Variants in MAST2 observed in about 807,000 individuals in gnomAD.
MAST2 encodes microtubule associated serine/threonine kinase 2, also known as microtubule-associated serine/threonine-protein kinase 2.
MAST2 carries 70 observed loss-of-function variants against 147.4 expected under a neutral mutation model. That is an observed-to-expected ratio of 0.47 (90% confidence interval 0.39 to 0.58). MAST2 has a LOEUF of 0.58. MAST2 is among the 20% of genes least tolerant of loss of function. MAST2 has a pLI of 0.00. For missense variants in MAST2, 2,080 were observed against 2,302.3 expected, an observed-to-expected ratio of 0.90 and a Z score of 1.98; for synonymous variants, 869 against 896.8, an observed-to-expected ratio of 0.97 and a Z score of 0.55.
chr1:45,947,247 A>G (rs1385796800), intron 4 of MAST2, among the ~76,000 whole-genome samples: 1 of 149,276 alleles, frequency 6.7e-6, no homozygotes, highest in Non-Finnish European at 1.5e-5. Context: ...TCCCTCTGCC[A>G]CATAGGAAGA....
At chr1:45,928,820 G>C (rs918888295) in intron 4 of MAST2, among the ~76,000 whole-genome samples, 6 of 151,918 alleles carry the variant, frequency 3.9e-5, no homozygotes, top group Admixed American at 2.6e-4. Flanking sequence ...TTTTAATCTA[G>C]GGTGTTCTCA....
chr1:45,971,939 C>A (rs1377154341), intron 5 of MAST2, among the ~76,000 whole-genome samples: 4 of 152,116 alleles, frequency 2.6e-5, no homozygotes, highest in African/African-American at 9.7e-5. Flanking sequence ...TTGTTTGTTA[C>A]ATATCATCTA....
chr1:45,887,507 A>T (rs1647148453), intron 4 of MAST2, among the ~76,000 whole-genome samples: 1 of 152,176 alleles, frequency 6.6e-6, no homozygotes, highest in Non-Finnish European at 1.5e-5. Context: ...ATATTGGATG[A>T]AAGTTAATGT....
intron 4 of MAST2, among the ~76,000 whole-genome samples, chr1:45,957,011 C>G (rs528317024): frequency 9.9e-5 from 15 of 152,160 alleles, no homozygotes; most frequent in Non-Finnish European, 1.6e-4. Flanking sequence ...GTTTTCAATT[C>G]CCTTTTAGCG....
In MAST2 at chr1:46,031,333, C is replaced by A. The variant is rs1013394088; in HGVS notation, c.2992+43C>A. ...GCCAAACGACCTAAGCTGGAGGATA[C>A]TGCAGGGCAGGGAGGCTCAGCGGCA... is the stretch of plus-strand genomic sequence containing the variant. On this transcript the variant is annotated intron_variant, in intron 23 of 28. Coordinates refer to ENST00000361297, the MANE Select transcript of MAST2 (RefSeq NM_015112.3). This position sits in a 1 kb window ranked among gnomAD's most constrained non-coding sequence, Gnocchi z 4.1. 6.4e-7 allele frequency: 1 copy of A among 1,568,116 alleles called. No individual in the cohort carries two copies.
intron 5 of MAST2, among the ~76,000 whole-genome samples, chr1:45,996,090 T>C (rs562067184): frequency 1.3e-5 from 2 of 152,034 alleles, no homozygotes; most frequent in African/African-American, 4.8e-5. Context: ...TTGCTGCTTT[T>C]TTTTCCCCTC....
In MAST2 at chr1:46,027,717, C is replaced by A; in HGVS notation, c.1920-14C>A. 1 of 1,599,734 alleles carries A rather than the reference C, an allele frequency of 6.3e-7. No homozygotes were observed. Among genetic ancestry groups the A allele is most frequent in the Non-Finnish European group, 8.5e-7 (1 of 1,173,812 alleles). On this transcript the variant is annotated splice_polypyrimidine_tract_variant and intron_variant, in intron 16 of 28. Transcript: ENST00000361297. ...CAGGAATAACTTCTTAATTTTATTT[C>A]TTCGTTCTTCCAGCCTCCTAATTAC...
chr1:45,820,331 G>A (rs1265144552), intron 1 of MAST2, among the ~76,000 whole-genome samples: 3 of 152,282 alleles, frequency 2.0e-5, no homozygotes, highest in Middle Eastern at 3.4e-3. Flanking sequence ...ACATGCAGAG[G>A]CAACCAAAGC....
chr1:45,931,779 C>A (rs1156784947), intron 4 of MAST2, among the ~76,000 whole-genome samples: 1 of 151,688 alleles, frequency 6.6e-6, no homozygotes, highest in Non-Finnish European at 1.5e-5. Flanking sequence ...CAGGTGTGAG[C>A]CACCATGCCC....
chr1:45,924,249 T>C (rs1461123797), intron 4 of MAST2, among the ~76,000 whole-genome samples: 2 of 152,232 alleles, frequency 1.3e-5, no homozygotes, highest in East Asian at 3.8e-4. Flanking sequence ...TTTAGTTTTG[T>C]TCTCTGTACT....
At chr1:46,008,207 T>C (rs1645566687) in intron 8 of MAST2, 89 bp from the exon 9 acceptor site, 1 of 795,564 alleles carries the variant, frequency 1.3e-6, no homozygotes, top group East Asian at 2.6e-5. Flanking sequence ...CTGAAGATGG[T>C]GGGAGGGGCA....
intron 4 of MAST2, among the ~76,000 whole-genome samples, chr1:45,942,406 A>G (rs1657431735): frequency 6.6e-6 from 1 of 152,234 alleles, no homozygotes; most frequent in Admixed American, 6.5e-5. Flanking sequence ...ATGGAGATGC[A>G]TAATAGAGTT....
At chr1:45,957,304 C>T (rs1162551766) in intron 4 of MAST2, among the ~76,000 whole-genome samples, 3 of 152,120 alleles carry the variant, frequency 2.0e-5, no homozygotes, top group Non-Finnish European at 2.9e-5. Flanking sequence ...GTTTGTCACT[C>T]ATCTGTTGGT....
chr1:45,849,973 A>T (rs780449012), intron 3 of MAST2, among the ~76,000 whole-genome samples: 1 of 152,222 alleles, frequency 6.6e-6, no homozygotes, highest in Admixed American at 6.5e-5. Context: ...ACCCAGTAAT[A>T]GGATTGCTGG....
At chr1:45,933,237 G>A (rs1192333336) in intron 4 of MAST2, among the ~76,000 whole-genome samples, 1 of 71,310 alleles carries the variant, frequency 1.4e-5, no homozygotes, top group Non-Finnish European at 3.1e-5. Context: ...AAAAAAAAAA[G>A]CGGGGGGGTT....
At chr1:45,848,474 A>G (rs1645514975) in intron 3 of MAST2, among the ~76,000 whole-genome samples, 1 of 152,232 alleles carries the variant, frequency 6.6e-6, no homozygotes, top group African/African-American at 2.4e-5. Context: ...TTCCTGGTAG[A>G]CAACATTTCA....
intron 5 of MAST2, among the ~76,000 whole-genome samples, chr1:45,965,207 T>A (rs1023842635): frequency 6.6e-5 from 10 of 152,174 alleles, no homozygotes; most frequent in African/African-American, 2.4e-4. Flanking sequence ...TGATTTGGGG[T>A]GGAGAGTTCT....
At chr1:45,971,360 A>G (rs1236041866) in intron 5 of MAST2, among the ~76,000 whole-genome samples, 1 of 152,226 alleles carries the variant, frequency 6.6e-6, no homozygotes, top group Non-Finnish European at 1.5e-5. Flanking sequence ...TTGTGTCCTC[A>G]GGAAGGACGT....
chr1:46,035,256 G>A lies in MAST2; in HGVS notation c.4587G>A (p.Val1529=). 4 of 1,613,994 alleles carry A rather than the reference G, an allele frequency of 2.5e-6. No homozygotes were observed. Among genetic ancestry groups the A allele is most frequent in the Non-Finnish European group, 3.4e-6 (4 of 1,180,004 alleles). The part of the protein sequence containing the change: ...QELSLAPHPE[V]SQSVAPKGAG... ...TGAGCTTGGCACCTCACCCAGAAGT[G>A]AGCCAGAGTGTGGCCCCTAAAGGAG... Residue 1529 remains valine (V), a synonymous_variant, in exon 29 of 29, where the codon GTG becomes GTA. Transcript: ENST00000361297. The surrounding 1 kb of genome is among the most constrained non-coding windows in gnomAD (Gnocchi z 5.5).
Sources: allele counts gnomAD v4.1 joint callset (sites outside exome capture counted in the v4.1 genomes callset), GRCh38; gene constraint gnomAD v4.1.1; non-coding constraint Gnocchi (gnomAD v3.1); transcripts MANE v1.5; gene names NCBI Gene and HGNC (gene_info 2026-07-23, HGNC 2026-07-21).